Variants in TRIM49 observed in about 807,000 individuals in gnomAD.
TRIM49 encodes the protein tripartite motif-containing protein 49.
In TRIM49, 5 loss-of-function variants were observed where a neutral mutation model predicts 27.4. The observed-to-expected ratio is 0.18, with a 90% confidence interval of 0.10 to 0.38. The LOEUF is 0.38. TRIM49 is among the 10% of genes least tolerant of loss of function. TRIM49 has a pLI of 1.00. For missense variants in TRIM49, 188 were observed against 487.5 expected, an observed-to-expected ratio of 0.39 and a Z score of 5.79; for synonymous variants, 69 against 166.0, an observed-to-expected ratio of 0.42 and a Z score of 4.49.
chr11:89,778,204 A>T, the TRIM49 span, among the ~76,000 whole-genome samples: 2 of 151,274 alleles, frequency 1.3e-5, no homozygotes, highest in Non-Finnish European at 1.5e-5. Context: ...ATTCTAGTGT[A>T]TTGGATAAAC....
At chr11:89,783,550 T>G in the TRIM49 span, among the ~76,000 whole-genome samples, 930 of 123,712 alleles carry the variant, frequency 7.5e-3, 41 homozygotes, top group African/African-American at 0.031. Context: ...CTTTGAAAGA[T>G]GAAGGTTCCT....
chr11:89,787,427 G>A, the TRIM49 span: 49,119 of 300,524 alleles, frequency 0.16, 261 homozygotes, highest in East Asian at 0.33. Flanking sequence ...GGCGCAGGTG[G>A]CGGGCGAAAC....
chr11:89,803,995 A>G, intron 3 of TRIM49, 64 bp downstream of exon 3: 2 of 1,611,568 alleles, frequency 1.2e-6, no homozygotes, highest in East Asian at 2.2e-5. Flanking sequence ...AATCTCCAAG[A>G]AAATAGACCC....
the TRIM49 span, among the ~76,000 whole-genome samples, chr11:89,791,473 A>C: frequency 6.6e-6 from 1 of 150,890 alleles, no homozygotes. Context: ...GAAGGAAAAA[A>C]TGTTACAGGC....
rs1442838330 is a variant in TRIM49 at position 89,808,441 on chromosome 11, T to G, written c.-195A>C. The stretch of plus-strand genomic sequence containing the variant: ...AAGTGCAAAGACTTGACTTACCCAA[T>G]TGTGGGAGCTGCTTAAGCAAATGTG... On this transcript the variant is annotated 5_prime_UTR_variant, in exon 1 of 8. Transcript: ENST00000329758. 4 of 150,358 alleles carry G rather than the reference T, an allele frequency of 2.7e-5. No individual in the cohort carries two copies. The highest frequency in any genetic ancestry group is 1.0e-4 in the African/African-American group (4 of 39,936). The allele number at this position is 150,358 out of a possible 1,614,324, so 9.3% of individuals were successfully genotyped here.
chr11:89,792,537 AAACT>A, the TRIM49 span, among the ~76,000 whole-genome samples: 11 of 152,136 alleles, frequency 7.2e-5, no homozygotes, highest in African/African-American at 2.7e-4. Context: ...AAATTATAAC[AAACT>A]GTCTCTCAGA....
chr11:89,798,763 T>A, intron 7 of TRIM49, 134 bp from the exon 8 acceptor site: 2 of 1,254,224 alleles, frequency 1.6e-6, no homozygotes, highest in African/African-American at 2.2e-5. Context: ...TAGTAAAGTA[T>A]AGAGATGGTT....
intron 2 of TRIM49, among the ~76,000 whole-genome samples, chr11:89,805,885 T>A (rs1187040892): frequency 6.7e-6 from 1 of 149,910 alleles, no homozygotes; most frequent in Non-Finnish European, 1.5e-5. Flanking sequence ...GCCTGGCTAA[T>A]TTTTGTATTT....
rs1267963315 is a variant in TRIM49 at position 89,807,222 on chromosome 11, A to G, written c.-128T>C. ...TCAGAGGTCGCCAAAATGCAGTTCT[A>G]AGTGCAGTCCTTCTCCTTCAGAGAA... is the stretch of plus-strand genomic sequence containing the variant. On this transcript the variant is annotated 5_prime_UTR_variant, in exon 2 of 8. Coordinates refer to ENST00000329758, the MANE Select transcript of TRIM49 (RefSeq NM_020358.2). The G allele has an allele frequency of 6.5e-6, 1 of 153,104 alleles. No homozygotes were observed. The highest frequency in any genetic ancestry group is 1.5e-5 in the Non-Finnish European group (1 of 67,874). 9.5% of individuals were successfully genotyped at this position (153,104 alleles called of 1,614,324 possible).
intron 5 of TRIM49, 135 bp from the exon 6 acceptor site, chr11:89,801,123 G>C (rs878929852): frequency 1.3e-6 from 2 of 1,509,760 alleles, no homozygotes; most frequent in African/African-American, 3.0e-5. Context: ...AGTATTTTCT[G>C]TTTCTTCTGT....
the TRIM49 span, among the ~76,000 whole-genome samples, chr11:89,769,209 A>G: frequency 7.7e-6 from 1 of 130,094 alleles, no homozygotes; most frequent in Non-Finnish European, 1.5e-5. Flanking sequence ...CAAAGAAACC[A>G]ACAAGTTGTT....
downstream of TRIM49, among the ~76,000 whole-genome samples, chr11:89,793,887 G>A (rs1229054905): frequency 1.3e-5 from 2 of 151,850 alleles, no homozygotes; most frequent in African/African-American, 4.8e-5. Flanking sequence ...GTTCTGGCCA[G>A]GGCAATCAGG....
chr11:89,792,476 T>C, the TRIM49 span, among the ~76,000 whole-genome samples: 1 of 151,720 alleles, frequency 6.6e-6, no homozygotes, highest in Non-Finnish European at 1.5e-5. Context: ...TATTCCAAAA[T>C]TGACCACATA....
chr11:89,791,768 A>G, the TRIM49 span, among the ~76,000 whole-genome samples: 1 of 152,242 alleles, frequency 6.6e-6, no homozygotes, highest in Non-Finnish European at 1.5e-5. Context: ...AGGAAGAACC[A>G]GCACCAGCCA....
chr11:89,776,358 A>G, the TRIM49 span, among the ~76,000 whole-genome samples: 3 of 144,416 alleles, frequency 2.1e-5, no homozygotes. Flanking sequence ...CCTGGGCTCA[A>G]GTGATTATCC....
chr11:89,791,815 C>T, the TRIM49 span, among the ~76,000 whole-genome samples: 14 of 151,968 alleles, frequency 9.2e-5, no homozygotes, highest in Non-Finnish European at 1.6e-4. Context: ...ACCATCGATG[C>T]TAGGAAGAAA....
At chr11:89,779,775 C>T in the TRIM49 span, among the ~76,000 whole-genome samples, 1 of 117,666 alleles carries the variant, frequency 8.5e-6, no homozygotes, top group Non-Finnish European at 1.9e-5. Context: ...AATTTGTTCT[C>T]TTGTGAATGA....
the TRIM49 span, among the ~76,000 whole-genome samples, chr11:89,770,823 G>A: frequency 3.5e-5 from 5 of 144,002 alleles, no homozygotes; most frequent in African/African-American, 8.4e-5. Context: ...CCAAGATTGC[G>A]CCACTGCACT....
intron 7 of TRIM49, 98 bp downstream of exon 7, chr11:89,799,615 AAAG>A: frequency 5.6e-6 from 3 of 539,814 alleles, no homozygotes; most frequent in Non-Finnish European, 9.2e-6. Context: ...TTATGTCTTA[AAAG>A]AAGTAAAATA....
Sources: gnomAD v4.1 joint callset for allele counts (sites outside exome capture counted in the v4.1 genomes callset) on GRCh38, gnomAD v4.1.1 for gene constraint, MANE v1.5 for transcripts, NCBI Gene and HGNC (gene_info 2026-07-23, HGNC 2026-07-21) for gene names.